DYSF: variants seen among roughly 807,000 people sequenced by gnomAD.
DYSF encodes dysferlin, also known as dystrophy-associated fer-1-like 1.
DYSF carries 212 observed loss-of-function variants against 274.9 expected under a neutral mutation model. The observed-to-expected ratio is 0.77, with a 90% CI of 0.69 to 0.86. The LOEUF is 0.86. Ranked by LOEUF, DYSF falls within the 40% of genes least tolerant of loss-of-function variation. DYSF has a pLI of 0.00. For synonymous variants in DYSF, 1,091 were observed against 1,078.7 expected (o/e 1.01, Z -0.22); for missense variants, 2,666 against 2,783.2 (o/e 0.96, Z 0.95).
chr2:71,540,124 T>G (rs2089790878), intron 17 of DYSF, among the ~76,000 whole-genome samples: 1 of 151,102 alleles, frequency 6.6e-6, no homozygotes, highest in African/African-American at 2.4e-5. Flanking sequence ...CTTTTTTTTT[T>G]TTTTTGAGAT....
rs762342962 is a variant in DYSF, at chr2:71,535,248, C to T, written c.1450-20C>T. On this transcript the variant is annotated intron_variant, in intron 15 of 55. Coordinates refer to ENST00000410020, the MANE Select transcript of DYSF (RefSeq NM_001130987.2). ...CTTCAAAAGGACTCTTCTCCCAACA[C>T]GCCTCTATTCCTTCCTCAGTTTCCC... 2.1e-5 allele frequency: 34 copies of T among 1,613,434 alleles called. No homozygotes were observed. Among genetic ancestry groups the T allele is most frequent in the Non-Finnish European group, 2.5e-5 (29 of 1,179,440 alleles).
chr2:71,520,168 T>G lies in DYSF; in HGVS notation c.1003-10T>G. The G allele has an allele frequency of 1.2e-6, 2 of 1,614,212 alleles. No individual in the cohort carries two copies. The highest frequency in any genetic ancestry group is 1.7e-6 in the Non-Finnish European group (2 of 1,180,036). ...AGAGTTTGATTTGTGTCTCCTCTCA[T>G]TGATTGCAGATGGACGTGGGCACCA... On this transcript the variant is annotated splice_polypyrimidine_tract_variant and intron_variant, in intron 10 of 55. Transcript: ENST00000410020.
chr2:71,674,613 G>C (rs1016018781), intron 52 of DYSF, among the ~76,000 whole-genome samples: 1 of 152,254 alleles, frequency 6.6e-6, no homozygotes, highest in Non-Finnish European at 1.5e-5. Flanking sequence ...GTCGCCAGCT[G>C]TCTGGCCTCA....
intron 21 of DYSF, among the ~76,000 whole-genome samples, chr2:71,555,668 G>T (rs910324592): frequency 1.3e-5 from 2 of 152,164 alleles, no homozygotes; most frequent in Non-Finnish European, 2.9e-5. Flanking sequence ...GAGGTAGCAG[G>T]GAGGAGTCAG....
intron 22 of DYSF, among the ~76,000 whole-genome samples, chr2:71,561,306 T>C (rs776524057): frequency 1.6e-4 from 25 of 152,254 alleles, no homozygotes; most frequent in Admixed American, 7.2e-4. Flanking sequence ...CCTTGAAGAA[T>C]GTGGACACAG....
chr2:71,599,096 G>A (rs1558579464), intron 33 of DYSF, among the ~76,000 whole-genome samples: 4 of 152,188 alleles, frequency 2.6e-5, no homozygotes, highest in Non-Finnish European at 5.9e-5. Flanking sequence ...AAACACTTAC[G>A]TTACTGGCTG....
chr2:71,512,615 C>T (rs773303689), intron 5 of DYSF, among the ~76,000 whole-genome samples: 1 of 152,180 alleles, frequency 6.6e-6, no homozygotes, highest in Non-Finnish European at 1.5e-5. Flanking sequence ...GTGGGAGCCT[C>T]CATGTGGTCC....
In DYSF at chr2:71,539,148, T is replaced by G. The variant is rs1429836890; in HGVS notation, c.1494-9T>G. ...CTGTGTTCAGGCCCTCTCTGCTCCC[T>G]TGCTCTAGGGACCGCCTGACTCACA... On this transcript the variant is annotated splice_polypyrimidine_tract_variant and intron_variant, in intron 16 of 55. Transcript: ENST00000410020. 1 of 1,613,670 alleles carries G rather than the reference T, an allele frequency of 6.2e-7. No homozygotes were observed. Among genetic ancestry groups the G allele is most frequent in the Non-Finnish European group, 8.5e-7 (1 of 1,179,760 alleles).
At chr2:71,660,391 A>G (rs898535527) in intron 44 of DYSF, among the ~76,000 whole-genome samples, 169 bp from the exon 45 acceptor site, 7 of 152,204 alleles carry the variant, frequency 4.6e-5, no homozygotes, top group African/African-American at 1.4e-4. Context: ...TCAGGGTCCA[A>G]GTGGAGTGGT....
intron 4 of DYSF, among the ~76,000 whole-genome samples, chr2:71,506,183 G>A (rs1311492093): frequency 2.6e-5 from 4 of 152,236 alleles, no homozygotes; most frequent in African/African-American, 4.8e-5. Context: ...AGCTGTGGTC[G>A]AGGAAGTAGG....
At chr2:71,610,375 A>G (rs574126320) in intron 36 of DYSF, among the ~76,000 whole-genome samples, 2 of 152,362 alleles carry the variant, frequency 1.3e-5, no homozygotes, top group Admixed American at 1.3e-4. Flanking sequence ...ACATTCAGCT[A>G]TAGGAGGTGA....
intron 48 of DYSF, among the ~76,000 whole-genome samples, chr2:71,668,195 C>G (rs961165710): frequency 1.1e-4 from 16 of 152,214 alleles, no homozygotes; most frequent in Admixed American, 9.8e-4. Flanking sequence ...ACTGAGCTCT[C>G]TCTCCACCTA....
At chr2:71,553,768 A>ACCC in intron 20 of DYSF, 39 bp from the exon 21 acceptor site, 1 of 452,126 alleles carries the variant, frequency 2.2e-6, no homozygotes, top group Non-Finnish European at 3.5e-6. Flanking sequence ...CCCGCCCTCC[A>ACCC]CTCCTGGCAC....
chr2:71,597,114 G>C (rs1226980516), intron 32 of DYSF, among the ~76,000 whole-genome samples: 1 of 152,166 alleles, frequency 6.6e-6, no homozygotes, highest in Non-Finnish European at 1.5e-5. Context: ...CCTTTGTGCG[G>C]AAGCCCTGTC....
intron 22 of DYSF, among the ~76,000 whole-genome samples, chr2:71,560,690 G>C (rs1434639938): frequency 6.6e-6 from 1 of 151,924 alleles, no homozygotes; most frequent in Admixed American, 6.5e-5. Flanking sequence ...GTGCCGCTGC[G>C]CTCCGGCGGT....
At chr2:71,598,390 A>C (rs904667628) in intron 32 of DYSF, among the ~76,000 whole-genome samples, 174 bp from the exon 33 acceptor site, 3 of 152,148 alleles carry the variant, frequency 2.0e-5, no homozygotes, top group Non-Finnish European at 2.9e-5. Context: ...AGCTGGCCTC[A>C]TGGTGGGGCT....
Position 71,551,100 on chromosome 2 carries a change from A to C in DYSF, c.1636A>C (p.Ser546Arg), listed in dbSNP as rs2090911434. ...GCCCTGCTACATCAACCTCTATGGC[A>C]GTCCCAGAGAGTTCACAGGCTTCCC... ...FGPCYINLYG[S>R]PREFTGFPDP... The change falls in exon 18 of 56, where the codon AGT becomes CGT. Residue 546 changes from serine (S) to arginine (R), a missense_variant. This residue lies in a region of DYSF where 794 missense variants were observed against 777.1 expected (regional missense o/e 1.02). Transcript: ENST00000410020. 8 of 1,614,158 alleles carry C rather than the reference A, an allele frequency of 5.0e-6. No homozygotes were observed. The highest frequency in any genetic ancestry group is 6.8e-6 in the Non-Finnish European group (8 of 1,179,998).
intron 32 of DYSF, among the ~76,000 whole-genome samples, chr2:71,595,117 TTA>T (rs1305599544): frequency 6.6e-6 from 1 of 152,226 alleles, no homozygotes; most frequent in Non-Finnish European, 1.5e-5. Flanking sequence ...ATAAATGGTT[TTA>T]TGTTTTTCAG....
chr2:71,671,428 C>G (rs564854343), intron 51 of DYSF, among the ~76,000 whole-genome samples: 171 of 152,308 alleles, frequency 1.1e-3, no homozygotes, highest in African/African-American at 4.0e-3. Context: ...GGAGAGGGGG[C>G]CTGGGAGTGG....
Sources: allele counts gnomAD v4.1 joint callset (sites outside exome capture counted in the v4.1 genomes callset), GRCh38; gene constraint gnomAD v4.1.1; regional missense constraint gnomAD v4.1.1; transcripts MANE v1.5; gene names NCBI Gene and HGNC (gene_info 2026-07-23, HGNC 2026-07-21).